NSMCE2: variants seen among roughly 807,000 people sequenced by gnomAD.
NSMCE2 encodes NSE2 SUMO ligase component of SMC5/6 complex, also known as E3 SUMO-protein ligase NSE2.
A neutral mutation model predicts 23.8 loss-of-function variants in NSMCE2; 24 were observed. The ratio of observed to expected loss-of-function variants is 1.01; its 90% CI spans 0.73 to 1.42. The LOEUF is 1.42. Ranked by LOEUF, NSMCE2 falls within the 40% of genes most tolerant of loss-of-function variation. NSMCE2 has a pLI of 0.00. For missense variants in NSMCE2, 284 were observed against 296.5 expected (o/e 0.96, Z 0.31); for synonymous variants, 92 against 94.1 (o/e 0.98, Z 0.13).
intron 5 of NSMCE2, among the ~76,000 whole-genome samples, chr8:125,212,560 C>T (rs576653999): frequency 1.7e-4 from 26 of 152,174 alleles, no homozygotes; most frequent in African/African-American, 2.6e-4. Flanking sequence ...GGTTCAGGTA[C>T]GTGTTCAGTA....
At chr8:125,314,932 A>G (rs148629456) in intron 5 of NSMCE2, among the ~76,000 whole-genome samples, 1 of 152,188 alleles carries the variant, frequency 6.6e-6, no homozygotes, top group Admixed American at 6.5e-5. Flanking sequence ...GGGAGCAACT[A>G]ATTCCAGCAA....
chr8:125,251,885 C>T (rs1481443033), intron 5 of NSMCE2, among the ~76,000 whole-genome samples: 1 of 152,192 alleles, frequency 6.6e-6, no homozygotes, highest in Non-Finnish European at 1.5e-5. Context: ...CAGTATACTG[C>T]ATTATACTGC....
intron 1 of NSMCE2, among the ~76,000 whole-genome samples, chr8:125,092,798 T>A (rs1817733583): frequency 6.6e-6 from 1 of 152,182 alleles, no homozygotes; most frequent in Admixed American, 6.5e-5. Context: ...AAAAGATCAG[T>A]GTTATTACCT....
chr8:125,257,073 C>T (rs775894417), intron 5 of NSMCE2, among the ~76,000 whole-genome samples: 1 of 150,636 alleles, frequency 6.6e-6, no homozygotes. Context: ...CACTTGAGGT[C>T]AGGAGTTCGA....
intron 4 of NSMCE2, among the ~76,000 whole-genome samples, chr8:125,151,673 A>G (rs1821038271): frequency 6.6e-6 from 1 of 152,250 alleles, no homozygotes; most frequent in South Asian, 2.1e-4. Context: ...ATCTATTGCC[A>G]AATTCTTAGA....
intron 5 of NSMCE2, among the ~76,000 whole-genome samples, chr8:125,220,026 G>A (rs1824782318): frequency 6.6e-6 from 1 of 152,180 alleles, no homozygotes; most frequent in Non-Finnish European, 1.5e-5. Flanking sequence ...ATAATGGGAA[G>A]TTCATTGGTT....
intron 5 of NSMCE2, among the ~76,000 whole-genome samples, chr8:125,250,012 G>A (rs1322316498): frequency 4.6e-5 from 7 of 151,932 alleles, no homozygotes; most frequent in Admixed American, 2.6e-4. Context: ...TTTTTGAGAC[G>A]GAGTTTCGCT....
intron 5 of NSMCE2, among the ~76,000 whole-genome samples, chr8:125,279,092 G>C (rs1025912017): frequency 3.9e-5 from 6 of 152,166 alleles, no homozygotes; most frequent in Non-Finnish European, 8.8e-5. Context: ...CAAAAGTTTA[G>C]AGTTGCCAGT....
At chr8:125,202,956 C>G (rs1446079007) in intron 5 of NSMCE2, among the ~76,000 whole-genome samples, 1 of 152,052 alleles carries the variant, frequency 6.6e-6, no homozygotes, top group African/African-American at 2.4e-5. Flanking sequence ...TTTTGACAAC[C>G]TTTTCTTGAT....
Position 125,291,512 on chromosome 8 carries a change from A to G in NSMCE2, c.419-65707A>G, listed in dbSNP as rs1394774988. 2.0e-5 allele frequency among the ~76,000 whole-genome samples: 3 copies of G among 152,164 alleles called. No homozygotes were observed. In the East Asian group the frequency reaches 5.8e-4, roughly 29 times the overall value. On this transcript the variant is annotated intron_variant, in intron 5 of 7. Transcript: ENST00000287437. The stretch of plus-strand genomic sequence containing the variant: ...CACAATAGGAGATATACATTGGCCA[A>G]CTCTGCAAGCAGATTTGGATTAAGA...
intron 7 of NSMCE2, among the ~76,000 whole-genome samples, chr8:125,361,283 G>T (rs528434135): frequency 3.9e-5 from 6 of 152,172 alleles, no homozygotes; most frequent in African/African-American, 1.2e-4. Flanking sequence ...GTCCAGGCTG[G>T]TCTCGAACTC....
At chr8:125,363,812 T>C (rs1586824505) in intron 7 of NSMCE2, among the ~76,000 whole-genome samples, 1 of 152,200 alleles carries the variant, frequency 6.6e-6, no homozygotes, top group East Asian at 1.9e-4. Flanking sequence ...AGCCTTGCCC[T>C]AATGCAAAGC....
At chr8:125,184,237 T>C (rs935226021) in intron 5 of NSMCE2, among the ~76,000 whole-genome samples, 3 of 152,206 alleles carry the variant, frequency 2.0e-5, no homozygotes, top group African/African-American at 7.2e-5. Flanking sequence ...AAAGTTATTA[T>C]TCCACAAGGT....
At chr8:125,153,756 A>G (rs1821166101) in intron 4 of NSMCE2, among the ~76,000 whole-genome samples, 2 of 152,184 alleles carry the variant, frequency 1.3e-5, no homozygotes, top group Admixed American at 1.3e-4. Context: ...ATCAGATTAG[A>G]TAATGTATAT....
At chr8:125,318,399 C>T (rs1829292969) in intron 5 of NSMCE2, among the ~76,000 whole-genome samples, 1 of 152,130 alleles carries the variant, frequency 6.6e-6, no homozygotes, top group Non-Finnish European at 1.5e-5. Context: ...CACAGTGAGA[C>T]CCTGACTCAA....
chr8:125,277,286 C>G (rs1422232612), intron 5 of NSMCE2, among the ~76,000 whole-genome samples: 1 of 152,148 alleles, frequency 6.6e-6, no homozygotes, highest in African/African-American at 2.4e-5. Context: ...TTCTTGCTAG[C>G]TCCTGAGAAA....
At chr8:125,126,894 C>T (rs1819543246) in intron 3 of NSMCE2, 1 of 152,158 alleles carries the variant, frequency 6.6e-6, no homozygotes, top group Admixed American at 6.6e-5. Flanking sequence ...ATGCTTTTCA[C>T]TTGGCACACA....
intron 5 of NSMCE2, among the ~76,000 whole-genome samples, chr8:125,193,835 C>G (rs190272021): frequency 1.3e-5 from 2 of 152,206 alleles, no homozygotes; most frequent in Non-Finnish European, 2.9e-5. Flanking sequence ...CTGAGACAGT[C>G]TGGTGGACAG....
intron 5 of NSMCE2, among the ~76,000 whole-genome samples, chr8:125,247,445 A>C (rs1361484898): frequency 6.6e-6 from 1 of 152,166 alleles, no homozygotes; most frequent in African/African-American, 2.4e-5. Context: ...AAATGTGACC[A>C]GTTAAGATTT....
Sources: allele counts gnomAD v4.1 joint callset (sites outside exome capture counted in the v4.1 genomes callset), GRCh38; gene constraint gnomAD v4.1.1; transcripts MANE v1.5; gene names NCBI Gene and HGNC (gene_info 2026-07-23, HGNC 2026-07-21).